AIPL1: variants seen among roughly 807,000 people sequenced by gnomAD.
The protein encoded by AIPL1 is AIP like 1 HSP90 co-chaperone, also known as aryl-hydrocarbon-interacting protein-like 1.
AIPL1 carries 23 observed loss-of-function variants against 32.9 expected under a neutral mutation model. The ratio of observed to expected loss-of-function variants is 0.70; its 90% CI spans 0.50 to 0.99. The LOEUF (loss-of-function observed/expected upper bound fraction) is 0.99. AIPL1 is among the 50% of genes least tolerant of loss of function. AIPL1 has a pLI of 0.00. For missense variants in AIPL1, 485 were observed against 506.0 expected (o/e 0.96, Z 0.40); for synonymous variants, 210 against 209.4 (o/e 1.00, Z -0.02).
In AIPL1 at chr17:6,428,445, G is replaced by T. The variant is rs199604340; in HGVS notation, c.338C>A (p.Pro113His). The change falls in exon 3 of 6, where the codon CCC becomes CAC. Residue 113 changes from proline to histidine, a missense_variant. Pro to His is a moderately conservative substitution (Grantham distance 77, BLOSUM62 -2). Coordinates refer to ENST00000381129, the MANE Select transcript of AIPL1 (RefSeq NM_014336.5). Reference sequence around the variant, plus strand: ...GCACGTGTGCACGTGCCACTCTGTGGGGTCCTTGCCCTGGGCCATCTGCCT... The same window carrying T: ...GCACGTGTGCACGTGCCACTCTGTGTGGTCCTTGCCCTGGGCCATCTGCCT... ...SLRQMAQGKDPTEWHVHTCGL... is the reference protein window; with the variant it reads ...SLRQMAQGKDHTEWHVHTCGL... 1.2e-6 allele frequency: 2 copies of T among 1,614,002 alleles called. No individual in the cohort carries two copies. The highest frequency in any genetic ancestry group is 4.5e-5 in the East Asian group (2 of 44,882).
chr17:6,432,865 G>A (rs747607575), intron 2 of AIPL1, among the ~76,000 whole-genome samples: 13 of 152,108 alleles, frequency 8.5e-5, no homozygotes, highest in Non-Finnish European at 1.6e-4. Flanking sequence ...TCCTGACCTC[G>A]TGATCTGCCC....
intron 2 of AIPL1, among the ~76,000 whole-genome samples, chr17:6,432,779 T>A (rs939588891): frequency 6.6e-6 from 1 of 152,096 alleles, no homozygotes; most frequent in Non-Finnish European, 1.5e-5. Context: ...TACAGGCATG[T>A]GCCACCACGC....
chr17:6,433,586 A>ATC (rs149646818), intron 2 of AIPL1, among the ~76,000 whole-genome samples: 10,914 of 65,282 alleles, frequency 0.17, 1,023 homozygotes, highest in Middle Eastern at 0.33. Context: ...GCGAGACCCT[A>ATC]TCTCTCTCTC....
rs1392534956 is a variant in AIPL1 at position 6,425,827 on chromosome 17, ATGCC to A, written c.785-1_787del. 2 of 1,603,144 alleles carry A rather than the reference ATGCC, an allele frequency of 1.2e-6. No homozygotes were observed. Among genetic ancestry groups the A allele is most frequent in the Non-Finnish European group, 1.7e-6 (2 of 1,179,512 alleles). On this transcript the variant is annotated splice_acceptor_variant and coding_sequence_variant, in exon 6 of 6. Coordinates refer to ENST00000381129, the MANE Select transcript of AIPL1 (RefSeq NM_014336.5). LOFTEE classifies it high-confidence loss of function. ...GGCACGCACGTAGTAGGCCTTCACG[ATGCC>A]TGTGGGGAGCAGGGAGCATCCAGCT...
intron 2 of AIPL1, 79 bp from the exon 3 acceptor site, chr17:6,428,585 C>A (rs1912249130): frequency 1.4e-6 from 2 of 1,391,540 alleles, no homozygotes; most frequent in South Asian, 1.2e-5. Flanking sequence ...CCACTCAGAG[C>A]CCCTCCTGGG....
chr17:6,428,619 C>T, intron 2 of AIPL1, 113 bp from the exon 3 acceptor site: 1 of 964,084 alleles, frequency 1.0e-6, no homozygotes, highest in African/African-American at 1.6e-5. Flanking sequence ...CCTCACTATG[C>T]CACTCATACT....
chr17:6,425,964 C>G lies in AIPL1; in HGVS notation c.785-134G>C, dbSNP rs193042861. On this transcript the variant is annotated intron_variant, in intron 5 of 5. Coordinates refer to ENST00000381129, the MANE Select transcript of AIPL1 (RefSeq NM_014336.5). ...CTTAACCTCTCTGTATCCCCCATCC[C>G]TCGGTTTCCTCAACTGTAAGATGGA... 492 of 1,252,134 alleles carry G rather than the reference C, an allele frequency of 3.9e-4. 1 individual carries two copies. Among genetic ancestry groups the G allele is most frequent in the South Asian group, 2.1e-3 (137 of 64,982 alleles). The allele number at this position is 1,252,134 out of a possible 1,614,324, so 77.6% of individuals were successfully genotyped here. A position where few individuals can be genotyped will look rare whatever the true frequency, so the allele number is the denominator to read the frequency against.
rs147275133 is a variant in AIPL1, at chr17:6,433,976, C to T, written c.219G>A (p.Glu73=). 6.2e-7 allele frequency: 1 copy of T among 1,613,838 alleles called. No individual in the cohort carries two copies. The highest frequency in any genetic ancestry group is 1.3e-5 in the African/African-American group (1 of 74,808). The part of the protein sequence containing the change: ...IGNMFKLEVW[E]ILLTSMRVHE... Reference sequence around the variant, plus strand: ...GCACCCGCATGGAGGTAAGCAGGATCTCCCAGACCTCGAGCTTGAACATGT... The same window carrying T: ...GCACCCGCATGGAGGTAAGCAGGATTTCCCAGACCTCGAGCTTGAACATGT... The change falls in exon 2 of 6, where the codon GAG becomes GAA. Residue 73 remains glutamate (E), a synonymous_variant. Coordinates refer to ENST00000381129, the MANE Select transcript of AIPL1 (RefSeq NM_014336.5).
At chr17:6,427,204 G>A (rs530185694) in intron 3 of AIPL1, 147 bp from the exon 4 acceptor site, 2 of 854,506 alleles carry the variant, frequency 2.3e-6, no homozygotes, top group African/African-American at 1.7e-5. Flanking sequence ...AAGCAACAAC[G>A]CCGAAAACCC....
At chr17:6,427,872 C>T (rs754615956) in intron 3 of AIPL1, among the ~76,000 whole-genome samples, 11 of 151,080 alleles carry the variant, frequency 7.3e-5, no homozygotes, top group Non-Finnish European at 1.5e-4. Flanking sequence ...TTAAAATGCA[C>T]TGACATGATC....
Position 6,426,834 on chromosome 17 carries a change from C to T in AIPL1, c.642+47G>A, listed in dbSNP as rs1358510585. On this transcript the variant is annotated intron_variant, in intron 4 of 5. Transcript: ENST00000381129. ...CCACCCTGGCCGGCACTGGGCAGGC[C>T]CCCCAGAGTCAGCGCCACTTCCCAC... 39 of 1,612,842 alleles carry T rather than the reference C, an allele frequency of 2.4e-5. No homozygotes were observed. In the East Asian group the frequency reaches 8.5e-4, roughly 35 times the overall value.
intron 2 of AIPL1, among the ~76,000 whole-genome samples, chr17:6,433,611 T>TCTCTCTCA (rs758622569): frequency 0.035 from 3,680 of 106,248 alleles, 110 homozygotes; most frequent in Non-Finnish European, 0.05. Flanking sequence ...TCTCTCTCTC[T>TCTCTCTCA]CACACACACA....
rs1289373759 is a variant in AIPL1 at position 6,434,008 on chromosome 17, T to C, written c.187A>G (p.Ile63Val). 1.2e-6 allele frequency: 2 copies of C among 1,613,634 alleles called. No homozygotes were observed. The highest frequency in any genetic ancestry group is 1.1e-5 in the South Asian group (1 of 91,062). The change falls in exon 2 of 6, where the codon ATC becomes GTC. Residue 63 changes from isoleucine to valine, a missense_variant. Ile to Val is a conservative substitution (Grantham distance 29, BLOSUM62 3). Transcript: ENST00000381129. ...ACCTCGAGCTTGAACATGTTTCCGA[T>C]GATGATGTGCATGGGCTGGCCCACC... ...RQVGQPMHII[I>V]GNMFKLEVWE...
Position 6,428,332 on chromosome 17 carries a change from T to C in AIPL1, c.451A>G (p.Ile151Val). ...CCCAGCCCCACCTGCAGCAGCTCGA[T>C]CACAAAGACCAGAGGCTGAGGCTCC... is the stretch of plus-strand genomic sequence containing the variant. ...QKEPQPLVFV[I>V]ELLQVDAPSD... Residue 151 changes from isoleucine to valine, a missense_variant, in exon 3 of 6, where the codon ATC becomes GTC. Physicochemically the swap from Ile to Val is conservative, Grantham distance 29. Transcript: ENST00000381129. The C allele has an allele frequency of 6.2e-7, 1 of 1,609,438 alleles. No individual in the cohort carries two copies. Among genetic ancestry groups the C allele is most frequent in the East Asian group, 2.2e-5 (1 of 44,874 alleles).
intron 1 of AIPL1, 133 bp from the exon 2 acceptor site, chr17:6,434,231 C>T (rs1459577050): frequency 2.9e-6 from 3 of 1,032,542 alleles, no homozygotes; most frequent in East Asian, 2.6e-5. Flanking sequence ...ATGCCTCAGA[C>T]CCCTGGAGCA....
At position 6,426,983 on chromosome 17, in the gene AIPL1, G is replaced by A; in HGVS notation, c.540C>T (p.Val180=). 1.2e-6 allele frequency: 2 copies of A among 1,614,196 alleles called. No homozygotes were observed. Among genetic ancestry groups the A allele is most frequent in the East Asian group, 2.2e-5 (1 of 44,878 alleles). ...SNHEKMKAVP[V]LHGEGNRLFK... ...AGAGCCGATTTCCCTCTCCGTGGAG[G>A]ACGGGCACCGCCTTCATCTTCTCAT... The change falls in exon 4 of 6, where the codon GTC becomes GTT. Residue 180 remains valine (V), a synonymous_variant. Coordinates refer to ENST00000381129, the MANE Select transcript of AIPL1 (RefSeq NM_014336.5).
At position 6,426,611 on chromosome 17, in the gene AIPL1, G is replaced by A. The variant is rs375600133; in HGVS notation, c.784+4C>T. 34 of 1,613,426 alleles carry A rather than the reference G, an allele frequency of 2.1e-5. No homozygotes were observed. The African/African-American group carries it at 2.4e-4, about 11-fold the overall frequency. On this transcript the variant is annotated splice_donor_region_variant and intron_variant, in intron 5 of 5. Transcript: ENST00000381129. The stretch of plus-strand genomic sequence containing the variant: ...TCACTGTCCGCCCCTGCAGCCCCGC[G>A]CACCTGGGTGGTGCCGGAGAATATC...
Position 6,425,368 on chromosome 17 carries a change from T to A in AIPL1, c.*92A>T. 1 of 1,436,988 alleles carries A rather than the reference T, an allele frequency of 7.0e-7. No individual in the cohort carries two copies. Among genetic ancestry groups the A allele is most frequent in the Non-Finnish European group, 9.2e-7 (1 of 1,087,790 alleles). 89.0% of individuals were successfully genotyped at this position (1,436,988 alleles called of 1,614,324 possible). ...TTTGATTTCAAAAATTAATTTTAAA[T>A]TTTAAAAAGTGACACCACGATCCTG... is the stretch of plus-strand genomic sequence containing the variant. On this transcript the variant is annotated 3_prime_UTR_variant, in exon 6 of 6. Coordinates refer to ENST00000381129, the MANE Select transcript of AIPL1 (RefSeq NM_014336.5).
At chr17:6,430,623 C>A (rs574773752) in intron 2 of AIPL1, among the ~76,000 whole-genome samples, 1 of 152,234 alleles carries the variant, frequency 6.6e-6, no homozygotes, top group African/African-American at 2.4e-5. Flanking sequence ...ACAAATCAAT[C>A]AACTAATCAA....
Sources: allele counts gnomAD v4.1 joint callset (sites outside exome capture counted in the v4.1 genomes callset), GRCh38; gene constraint gnomAD v4.1.1; transcripts MANE v1.5; gene names NCBI Gene and HGNC (gene_info 2026-07-23, HGNC 2026-07-21).